The following PPP6R3 variants were observed in gnomAD, a reference collection of about 807,000 sequenced individuals.
The protein encoded by PPP6R3 is protein phosphatase 6 regulatory subunit 3, also known as serine/threonine-protein phosphatase 6 regulatory subunit 3.
In PPP6R3, 38 loss-of-function variants were observed where a neutral mutation model predicts 110.7. The ratio of observed to expected loss-of-function variants is 0.34; its 90% CI spans 0.26 to 0.45. The LOEUF (loss-of-function observed/expected upper bound fraction) is 0.45. Among genes scored for constraint, PPP6R3 ranks in the 20% least tolerant of loss-of-function variants. PPP6R3 has a pLI of 1.00. For missense variants in PPP6R3, 870 were observed against 1,062.4 expected, an observed-to-expected ratio of 0.82 and a Z score of 2.52; for synonymous variants, 369 against 373.5, an observed-to-expected ratio of 0.99 and a Z score of 0.14.
Position 68,556,535 on chromosome 11 carries a change from TAAAA to T in PPP6R3, c.732-2020_732-2017del, listed in dbSNP as rs11375771. On this transcript the variant is annotated intron_variant, in intron 7 of 23. Transcript: ENST00000393800. ...GGTTTTTTGTAAGTGAATTTCTCAT[TAAAA>T]AAAAAAAAAACGAAAAAAAAAAACA... Among the ~76,000 whole-genome samples, 4 of 107,810 alleles carry T rather than the reference TAAAA, an allele frequency of 3.7e-5. No homozygotes were observed. In the East Asian group the frequency reaches 7.9e-4, roughly 21 times the overall value. The allele number at this position is 107,810 out of a possible 152,430, so 70.7% of individuals were successfully genotyped here.
Position 68,548,176 on chromosome 11 carries a change from C to T in PPP6R3, c.524C>T (p.Pro175Leu), listed in dbSNP as rs757914798. 2 of 1,614,132 alleles carry T rather than the reference C, an allele frequency of 1.2e-6. No individual in the cohort carries two copies. The highest frequency in any genetic ancestry group is 1.7e-6 in the Non-Finnish European group (2 of 1,180,014). ...CTCAGGCTCCTGACGTGTATCGAACCTCCACAGCCCAGGCAAGATGTGCTG... is the reference window on the plus strand; with the variant it reads ...CTCAGGCTCCTGACGTGTATCGAACTTCCACAGCCCAGGCAAGATGTGCTG... ...LLLRLLTCIE[P>L]PQPRQDVLNW... Residue 175 changes from proline (P) to leucine (L), a missense_variant, in exon 5 of 24, where the codon CCT becomes CTT. Coordinates refer to ENST00000393800, the MANE Select transcript of PPP6R3 (RefSeq NM_001164161.2).
rs763041319 is a variant in PPP6R3, at chr11:68,600,477, G to A, written c.2175G>A (p.Glu725=). 6.2e-7 allele frequency: 1 copy of A among 1,613,926 alleles called. No homozygotes were observed. The highest frequency in any genetic ancestry group is 8.5e-7 in the Non-Finnish European group (1 of 1,179,964). Residue 725 remains glutamate (E), a synonymous_variant, in exon 20 of 24, where the codon GAG becomes GAA. Coordinates refer to ENST00000393800, the MANE Select transcript of PPP6R3 (RefSeq NM_001164161.2). The part of the protein sequence containing the change: ...TKETGWASFS[E]FTSSLSTKDS... ...AGACGGGCTGGGCTTCTTTTTCAGAGTTCACGTCTTCCCTGAGGTGAGCGA... is the reference window on the plus strand; with the variant it reads ...AGACGGGCTGGGCTTCTTTTTCAGAATTCACGTCTTCCCTGAGGTGAGCGA...
intron 1 of PPP6R3, among the ~76,000 whole-genome samples, chr11:68,493,147 C>T (rs1277924841): frequency 1.3e-5 from 2 of 152,162 alleles, no homozygotes; most frequent in African/African-American, 2.4e-5. Flanking sequence ...AGTTATGACC[C>T]TGGATATGTA....
intron 14 of PPP6R3, among the ~76,000 whole-genome samples, chr11:68,582,148 C>T (rs181141458): frequency 1.3e-5 from 2 of 152,254 alleles, no homozygotes; most frequent in Non-Finnish European, 2.9e-5. Flanking sequence ...GATGACATTC[C>T]CTGCCCAAAA....
chr11:68,512,905 A>G (rs1299732289), intron 1 of PPP6R3, among the ~76,000 whole-genome samples: 2 of 152,194 alleles, frequency 1.3e-5, no homozygotes, highest in Non-Finnish European at 2.9e-5. Flanking sequence ...AATTGATAAT[A>G]CCTCACTCAC....
chr11:68,531,953 T>G (rs2099243209), intron 2 of PPP6R3, among the ~76,000 whole-genome samples: 1 of 152,232 alleles, frequency 6.6e-6, no homozygotes, highest in African/African-American at 2.4e-5. Flanking sequence ...TTGTAGGTGG[T>G]TCACATAAAT....
intron 1 of PPP6R3, among the ~76,000 whole-genome samples, chr11:68,512,952 G>A (rs1346820281): frequency 6.6e-6 from 1 of 152,104 alleles, no homozygotes; most frequent in African/African-American, 2.4e-5. Flanking sequence ...GGGAAGATCT[G>A]CCCTCAGTGT....
At chr11:68,589,982 A>T (rs1044270975) in intron 16 of PPP6R3, among the ~76,000 whole-genome samples, 1 of 152,052 alleles carries the variant, frequency 6.6e-6, no homozygotes, top group African/African-American at 2.4e-5. Context: ...CTCACACCAG[A>T]CCCTGCAGGT....
At chr11:68,496,304 G>C (rs2099015473) in intron 1 of PPP6R3, among the ~76,000 whole-genome samples, 1 of 151,888 alleles carries the variant, frequency 6.6e-6, no homozygotes, top group African/African-American at 2.4e-5. Context: ...TGGGATTACA[G>C]GTGTGAGCCA....
chr11:68,583,914 C>T (rs1002638249), intron 15 of PPP6R3, among the ~76,000 whole-genome samples: 2 of 152,158 alleles, frequency 1.3e-5, no homozygotes, highest in Admixed American at 6.5e-5. Flanking sequence ...AATGTTGTTG[C>T]TTGGCTTCTT....
intron 13 of PPP6R3, 75 bp from the exon 14 acceptor site, chr11:68,575,883 A>G (rs1222820062): frequency 8.7e-7 from 1 of 1,145,046 alleles, no homozygotes; most frequent in Non-Finnish European, 1.3e-6. Context: ...CCACTTTTAT[A>G]TTACCTGCTT....
Position 68,590,715 on chromosome 11 carries a change from G to T in PPP6R3, c.1785+1G>T. 1 of 1,591,130 alleles carries T rather than the reference G, an allele frequency of 6.3e-7. No homozygotes were observed. The highest frequency in any genetic ancestry group is 1.7e-5 in the Admixed American group (1 of 59,648). ...CTTTACTCTCAATACAAATGAAAGTGTAAGTATAAACTCTGTTGTGAGCAG... is the reference window on the plus strand; with the variant it reads ...CTTTACTCTCAATACAAATGAAAGTTTAAGTATAAACTCTGTTGTGAGCAG... On this transcript the variant is annotated splice_donor_variant, in intron 17 of 23. Coordinates refer to ENST00000393800, the MANE Select transcript of PPP6R3 (RefSeq NM_001164161.2). LOFTEE classifies it high-confidence loss of function.
At chr11:68,582,617 C>T (rs550910542) in intron 14 of PPP6R3, among the ~76,000 whole-genome samples, 7 of 152,338 alleles carry the variant, frequency 4.6e-5, no homozygotes, top group African/African-American at 7.2e-5. Context: ...TTTTGAGTGG[C>T]GCACTGGCGC....
chr11:68,591,747 G>A, intron 18 of PPP6R3, 41 bp downstream of exon 18: 1 of 1,576,048 alleles, frequency 6.3e-7, no homozygotes, highest in East Asian at 2.3e-5. Context: ...TAGCCAACCT[G>A]TAAAGAAAAT....
intron 1 of PPP6R3, chr11:68,488,611 C>T (rs996045618): frequency 2.0e-5 from 3 of 152,732 alleles, no homozygotes; most frequent in Non-Finnish European, 4.4e-5. Context: ...TTCTCAGCCA[C>T]TCCAAGCTTG....
intron 14 of PPP6R3, among the ~76,000 whole-genome samples, chr11:68,577,053 A>T (rs929181104): frequency 6.6e-6 from 1 of 152,212 alleles, no homozygotes; most frequent in Non-Finnish European, 1.5e-5. Flanking sequence ...AGGAAGTATT[A>T]AGAGTTGGAA....
rs1348141990 is a variant in PPP6R3, at chr11:68,540,709, C to T, written c.227+2818C>T. Among the ~76,000 whole-genome samples, 4 of 152,064 alleles carry T rather than the reference C, an allele frequency of 2.6e-5. No homozygotes were observed. In the East Asian group the frequency reaches 7.7e-4, roughly 29 times the overall value. ...ACACCCAGGGGGGCCAGTTTAGAGA[C>T]CTACCCCCAGGTGCGCATTCTCTTT... On this transcript the variant is annotated intron_variant, in intron 3 of 23. Coordinates refer to ENST00000393800, the MANE Select transcript of PPP6R3 (RefSeq NM_001164161.2).
chr11:68,607,669 C>T (rs148365038), intron 22 of PPP6R3, among the ~76,000 whole-genome samples: 1 of 152,300 alleles, frequency 6.6e-6, no homozygotes, highest in African/African-American at 2.4e-5. Context: ...TCTTTTTAAC[C>T]TGTGTGCAGA....
intron 12 of PPP6R3, 51 bp from the exon 13 acceptor site, chr11:68,574,058 A>C (rs778017133): frequency 3.8e-6 from 5 of 1,319,944 alleles, no homozygotes; most frequent in African/African-American, 1.5e-5. Context: ...CGAGTGTTTC[A>C]TCACTTCATC....
Sources: gnomAD v4.1 joint callset for allele counts (sites outside exome capture counted in the v4.1 genomes callset) on GRCh38, gnomAD v4.1.1 for gene constraint, MANE v1.5 for transcripts, NCBI Gene and HGNC (gene_info 2026-07-23, HGNC 2026-07-21) for gene names.